Variants in STXBP6 observed in about 807,000 individuals in gnomAD.
STXBP6 encodes the protein syntaxin binding protein 6.
STXBP6 carries 21 observed loss-of-function variants against 26.9 expected under a neutral mutation model. The ratio of observed to expected loss-of-function variants is 0.78; its 90% CI spans 0.55 to 1.12. STXBP6 has a LOEUF of 1.12. STXBP6 is among the 50% of genes most tolerant of loss of function. STXBP6 has a pLI of 0.00. For missense variants in STXBP6, 232 were observed against 257.9 expected, an observed-to-expected ratio of 0.90 and a Z score of 0.69; for synonymous variants, 97 against 92.6, an observed-to-expected ratio of 1.05 and a Z score of -0.27.
intron 2 of STXBP6, among the ~76,000 whole-genome samples, chr14:24,879,344 A>G (rs1030052461): frequency 6.6e-6 from 1 of 152,210 alleles, no homozygotes; most frequent in South Asian, 2.1e-4. Flanking sequence ...AAAGGAAAAG[A>G]ACAAAGTTAC....
At chr14:25,012,857 ATAT>A (rs2075061444) in intron 1 of STXBP6, among the ~76,000 whole-genome samples, 1 of 152,200 alleles carries the variant, frequency 6.6e-6, no homozygotes, top group African/African-American at 2.4e-5. Flanking sequence ...TATTAAGGTT[ATAT>A]ATCAAAAGGA....
chr14:25,014,870 G>A (rs759494252), intron 1 of STXBP6, among the ~76,000 whole-genome samples: 5 of 152,102 alleles, frequency 3.3e-5, no homozygotes, highest in Non-Finnish European at 7.4e-5. Context: ...TTGGATATAG[G>A]GAATATGAGA....
chr14:24,870,155 G>A (rs1396148148), intron 2 of STXBP6, among the ~76,000 whole-genome samples: 1 of 151,950 alleles, frequency 6.6e-6, no homozygotes, highest in African/African-American at 2.4e-5. Context: ...AAATTATTTT[G>A]GTACTAAAAC....
chr14:25,032,057 T>G lies in STXBP6; in HGVS notation c.-33+17821A>C, dbSNP rs1330207857. The stretch of plus-strand genomic sequence containing the variant: ...AATACAGACAGGAAGATAGAAAGTT[T>G]GAAGTGACAGAGATGGAAAAAATAA... On this transcript the variant is annotated intron_variant, in intron 1 of 5. Transcript: ENST00000323944. Among the ~76,000 whole-genome samples, 6 of 152,150 alleles carry G rather than the reference T, an allele frequency of 3.9e-5. No individual in the cohort carries two copies. In the East Asian group the frequency reaches 1.2e-3, roughly 29 times the overall value.
At chr14:25,013,511 G>A (rs890533749) in intron 1 of STXBP6, among the ~76,000 whole-genome samples, 1 of 142,336 alleles carries the variant, frequency 7.0e-6, no homozygotes, top group Non-Finnish European at 1.5e-5. Context: ...CACCCCTAAA[G>A]GTAAGTGTCT....
intron 2 of STXBP6, among the ~76,000 whole-genome samples, chr14:24,928,446 C>T (rs1440790924): frequency 6.6e-6 from 1 of 151,808 alleles, no homozygotes; most frequent in African/African-American, 2.4e-5. Context: ...TGCTAAGCTG[C>T]TCATTTAGAA....
chr14:24,884,432 T>A (rs917101186), intron 2 of STXBP6, among the ~76,000 whole-genome samples: 1 of 152,212 alleles, frequency 6.6e-6, no homozygotes, highest in African/African-American at 2.4e-5. Flanking sequence ...TAAATTACAA[T>A]GACACAATAA....
chr14:24,884,701 T>C (rs2070502971), intron 2 of STXBP6, among the ~76,000 whole-genome samples: 1 of 152,160 alleles, frequency 6.6e-6, no homozygotes, highest in Non-Finnish European at 1.5e-5. Context: ...ATGCTAACTT[T>C]CCAAAAATAT....
chr14:25,002,359 C>CTTTTTTTTTTTTTTTCTTTTTTTTTT (rs1365586543), intron 1 of STXBP6, among the ~76,000 whole-genome samples: 11 of 121,356 alleles, frequency 9.1e-5, no homozygotes, highest in African/African-American at 3.7e-4. Context: ...ATTCTTATGA[C>CTTTTTTTTTTTTTTTCTTTTTTTTTT]TTTTTTTTTT....
intron 2 of STXBP6, among the ~76,000 whole-genome samples, chr14:24,970,855 GT>G (rs2140178228): frequency 6.6e-6 from 1 of 152,298 alleles, no homozygotes; most frequent in Non-Finnish European, 1.5e-5. Flanking sequence ...TGCTTCGCAT[GT>G]TAACACTTGG....
chr14:24,991,083 G>A (rs978737713), intron 1 of STXBP6, among the ~76,000 whole-genome samples: 2 of 151,190 alleles, frequency 1.3e-5, no homozygotes, highest in Admixed American at 1.3e-4. Flanking sequence ...GCAGAGGAGA[G>A]AAGAGGAAAG....
intron 2 of STXBP6, among the ~76,000 whole-genome samples, chr14:24,913,495 T>A (rs1267419293): frequency 6.6e-6 from 1 of 151,744 alleles, no homozygotes; most frequent in East Asian, 1.9e-4. Flanking sequence ...AAATTAACAA[T>A]ACAACAACAA....
intron 2 of STXBP6, among the ~76,000 whole-genome samples, chr14:24,891,791 TC>T (rs1402306520): frequency 2.0e-5 from 3 of 152,248 alleles, no homozygotes; most frequent in African/African-American, 7.2e-5. Flanking sequence ...GTGTTCCTTC[TC>T]TTCTGACATT....
At chr14:24,855,094 A>T (rs1029788427) in intron 4 of STXBP6, among the ~76,000 whole-genome samples, 3 of 152,068 alleles carry the variant, frequency 2.0e-5, no homozygotes, top group African/African-American at 7.2e-5. Flanking sequence ...TATGTGTGTC[A>T]GTTGCTAGGA....
intron 4 of STXBP6, among the ~76,000 whole-genome samples, chr14:24,849,878 T>A (rs193212555): frequency 6.6e-6 from 1 of 152,212 alleles, no homozygotes; most frequent in East Asian, 1.9e-4. Flanking sequence ...TGAAGTTTGA[T>A]CCCTAGGGGA....
At chr14:25,019,868 G>GTTTT (rs35017131) in intron 1 of STXBP6, among the ~76,000 whole-genome samples, 5 of 128,230 alleles carry the variant, frequency 3.9e-5, no homozygotes, top group East Asian at 2.3e-4. Context: ...AGTTTCGTGG[G>GTTTT]TTTTTTTTTT....
chr14:24,962,594 C>T (rs117802425), intron 2 of STXBP6, among the ~76,000 whole-genome samples: 6,926 of 152,138 alleles, frequency 0.046, 290 homozygotes, highest in East Asian at 0.21. Context: ...TCCCAAAGTG[C>T]TGGGATTACA....
At chr14:24,991,413 G>A (rs2074471754) in intron 1 of STXBP6, among the ~76,000 whole-genome samples, 1 of 152,190 alleles carries the variant, frequency 6.6e-6, no homozygotes, top group South Asian at 2.1e-4. Context: ...CCTAACAGCT[G>A]CCCCAATCAG....
chr14:25,032,711 C>T (rs2075481493), intron 1 of STXBP6, among the ~76,000 whole-genome samples: 1 of 152,206 alleles, frequency 6.6e-6, no homozygotes, highest in African/African-American at 2.4e-5. Context: ...AAATCCTTCA[C>T]ATTTCACAAA....
Sources: allele counts gnomAD v4.1 joint callset (sites outside exome capture counted in the v4.1 genomes callset), GRCh38; gene constraint gnomAD v4.1.1; transcripts MANE v1.5; gene names NCBI Gene and HGNC (gene_info 2026-07-23, HGNC 2026-07-21).